Variants in GC observed in about 807,000 individuals in gnomAD.
The protein encoded by GC is GC vitamin D binding protein.
Under a neutral mutation model 56.7 loss-of-function variants are expected in GC, and 43 were observed. The observed-to-expected ratio is 0.76, with a 90% CI of 0.59 to 0.98. The LOEUF (loss-of-function observed/expected upper bound fraction) is 0.98. GC is among the 50% of genes least tolerant of loss of function. The pLI is 0.00. For synonymous variants in GC, 216 were observed against 202.7 expected, an observed-to-expected ratio of 1.07 and a Z score of -0.56; for missense variants, 529 against 545.9, an observed-to-expected ratio of 0.97 and a Z score of 0.31.
chr4:71,762,259 C>A (rs1246706924), intron 6 of GC, among the ~76,000 whole-genome samples: 1 of 152,176 alleles, frequency 6.6e-6, no homozygotes, highest in Non-Finnish European at 1.5e-5. Flanking sequence ...ATTTGACTGC[C>A]CCACTGGATT....
chr4:71,745,654 AT>A (rs1264573261), intron 12 of GC, among the ~76,000 whole-genome samples: 1 of 125,750 alleles, frequency 8.0e-6, no homozygotes, highest in Non-Finnish European at 1.7e-5. Flanking sequence ...GGAATAAACT[AT>A]TTTATGTTCT....
chr4:71,758,292 A>G (rs1298931108), intron 6 of GC, 121 bp from the exon 7 acceptor site: 4 of 774,488 alleles, frequency 5.2e-6, no homozygotes, highest in Non-Finnish European at 8.5e-6. Flanking sequence ...CAAGAGATGC[A>G]TGGGAGCACA....
intron 1 of GC, among the ~76,000 whole-genome samples, chr4:71,794,989 G>C (rs577125777): frequency 2.0e-5 from 3 of 152,280 alleles, no homozygotes; most frequent in African/African-American, 7.2e-5. Context: ...TATTCATCCT[G>C]AGTTCTAATT....
chr4:71,763,686 C>T, intron 5 of GC, 118 bp downstream of exon 5: 1 of 866,194 alleles, frequency 1.2e-6, no homozygotes, highest in Non-Finnish European at 1.8e-6. Context: ...TAAGAAGATG[C>T]AAGGGTGGCA....
rs1482832073 is a variant in GC, at chr4:71,754,457, G to A, written c.1216C>T (p.Leu406=). The A allele has an allele frequency of 6.3e-7, 1 of 1,594,860 alleles. No homozygotes were observed. Among genetic ancestry groups the A allele is most frequent in the East Asian group, 2.2e-5 (1 of 44,774 alleles). ...GTATTTTCTGAATAATCTGCACATA[G>A]TTCTTGTCCCTTGTCAATGAAAGAA... ...LSSFIDKGQE[L]CADYSENTFT... The change falls in exon 10 of 13, where the codon CTA becomes TTA. Residue 406 remains leucine, a synonymous_variant. Transcript: ENST00000273951.
At chr4:71,800,593 A>G (rs1743224759) in intron 1 of GC, among the ~76,000 whole-genome samples, 1 of 152,214 alleles carries the variant, frequency 6.6e-6, no homozygotes, top group African/African-American at 2.4e-5. Context: ...TTGGGTATAT[A>G]CCCAGTAATG....
intron 11 of GC, among the ~76,000 whole-genome samples, chr4:71,748,294 A>G (rs1741440234): frequency 6.6e-6 from 1 of 152,128 alleles, no homozygotes; most frequent in African/African-American, 2.4e-5. Flanking sequence ...AACAAACTAC[A>G]GTGACTATAC....
intron 11 of GC, among the ~76,000 whole-genome samples, chr4:71,751,159 T>G (rs745757556): frequency 2.6e-5 from 4 of 152,190 alleles, no homozygotes; most frequent in Non-Finnish European, 4.4e-5. Context: ...AAATGGAGGA[T>G]GTGAACGTAT....
chr4:71,788,193 T>C (rs1742886868), upstream of GC, among the ~76,000 whole-genome samples: 1 of 119,876 alleles, frequency 8.3e-6, no homozygotes, highest in South Asian at 3.1e-4. Context: ...ATTCTGTAAT[T>C]CGTTTATGCT....
chr4:71,744,163 C>G (rs1741274867), intron 12 of GC, among the ~76,000 whole-genome samples: 1 of 151,824 alleles, frequency 6.6e-6, no homozygotes, highest in African/African-American at 2.4e-5. Context: ...TACTTCTGGG[C>G]CAGGCACAGT....
intron 1 of GC, among the ~76,000 whole-genome samples, chr4:71,773,951 T>C (rs1027901496): frequency 6.6e-6 from 1 of 152,072 alleles, no homozygotes; most frequent in Non-Finnish European, 1.5e-5. Context: ...GTTTGCAGTG[T>C]TTATTCAAAC....
At chr4:71,773,085 T>C (rs528217952) in intron 1 of GC, among the ~76,000 whole-genome samples, 1 of 152,194 alleles carries the variant, frequency 6.6e-6, no homozygotes, top group East Asian at 1.9e-4. Context: ...AATTCCTGTC[T>C]CAAATGAACT....
At chr4:71,786,352 C>G (rs1742834406), upstream of GC, among the ~76,000 whole-genome samples, 1 of 151,634 alleles carries the variant, frequency 6.6e-6, no homozygotes, top group Non-Finnish European at 1.5e-5. Context: ...AAATGAGAGG[C>G]CTCATGTGAC....
intron 1 of GC, among the ~76,000 whole-genome samples, chr4:71,782,304 C>T (rs115651877): frequency 0.01 from 1,533 of 151,812 alleles, 29 homozygotes; most frequent in African/African-American, 0.036. Context: ...TAACTTCCTG[C>T]CAGGAAGAAC....
chr4:71,748,326 A>G lies in GC; in HGVS notation c.1396-2121T>C, dbSNP rs535840766. ...ATACTAGTTTTTCCTGACACAAGAA[A>G]GACAGGTGGTGGGGGGTAGACAGTA... On this transcript the variant is annotated intron_variant, in intron 11 of 12. Coordinates refer to ENST00000273951, the MANE Select transcript of GC (RefSeq NM_000583.4). 4.0e-3 allele frequency among the ~76,000 whole-genome samples: 605 copies of G among 152,234 alleles called. 5 individuals carry two copies. Among genetic ancestry groups the G allele is most frequent in the African/African-American group, 0.014 (567 of 41,548 alleles).
intron 3 of GC, among the ~76,000 whole-genome samples, chr4:71,767,490 A>C (rs1392976315): frequency 3.3e-5 from 5 of 151,956 alleles, no homozygotes; most frequent in Non-Finnish European, 7.4e-5. Flanking sequence ...AACCAACACT[A>C]AATTATTCTG....
chr4:71,788,949 T>A (rs1578320162), upstream of GC, among the ~76,000 whole-genome samples: 1 of 151,908 alleles, frequency 6.6e-6, no homozygotes, highest in Non-Finnish European at 1.5e-5. Flanking sequence ...TAAAAATATT[T>A]AGGTTCAGTT....
intron 1 of GC, among the ~76,000 whole-genome samples, chr4:71,783,573 T>C (rs1742753700): frequency 6.6e-6 from 1 of 151,796 alleles, no homozygotes; most frequent in Non-Finnish European, 1.5e-5. Flanking sequence ...TTACACTCAA[T>C]GGTAATAAAT....
At chr4:71,776,394 A>G (rs1437663252) in intron 1 of GC, among the ~76,000 whole-genome samples, 1 of 151,934 alleles carries the variant, frequency 6.6e-6, no homozygotes, top group African/African-American at 2.4e-5. Flanking sequence ...TGTTAAGTAA[A>G]ATAAGCCAGG....
Sources: allele counts gnomAD v4.1 joint callset (sites outside exome capture counted in the v4.1 genomes callset), GRCh38; gene constraint gnomAD v4.1.1; transcripts MANE v1.5; gene names NCBI Gene and HGNC (gene_info 2026-07-23, HGNC 2026-07-21).